The following NEGR1 variants were observed in gnomAD, a reference collection of about 807,000 sequenced individuals.
NEGR1 encodes the protein neuronal growth regulator 1.
Under a neutral mutation model 40.9 loss-of-function variants are expected in NEGR1, and 10 were observed. The observed-to-expected ratio is 0.24, with a 90% CI of 0.15 to 0.42. The LOEUF (loss-of-function observed/expected upper bound fraction) is 0.42, where lower values mean the gene tolerates loss of function less well. NEGR1 is among the 10% of genes least tolerant of loss of function. The pLI is 1.00. For synonymous variants in NEGR1, 185 were observed against 166.8 expected (o/e 1.11, Z -0.84); for missense variants, 352 against 438.9 (o/e 0.80, Z 1.77).
intron 2 of NEGR1, among the ~76,000 whole-genome samples, chr1:71,809,060 T>C (rs1657886176): frequency 6.6e-6 from 1 of 152,200 alleles, no homozygotes; most frequent in African/African-American, 2.4e-5. Flanking sequence ...CTATTGCTTA[T>C]TAAACATACA....
chr1:71,950,609 C>G (rs904522132), intron 1 of NEGR1, among the ~76,000 whole-genome samples: 3 of 151,960 alleles, frequency 2.0e-5, no homozygotes, highest in Admixed American at 1.3e-4. Flanking sequence ...TCAAAACCTA[C>G]TATATCCACT....
At chr1:71,733,364 G>C (rs1203826201) in intron 3 of NEGR1, among the ~76,000 whole-genome samples, 1 of 152,174 alleles carries the variant, frequency 6.6e-6, no homozygotes, top group African/African-American at 2.4e-5. Flanking sequence ...ATCTGAGTGA[G>C]AACATTCCTC....
chr1:71,957,835 T>C (rs1646131653), intron 1 of NEGR1, among the ~76,000 whole-genome samples: 1 of 152,240 alleles, frequency 6.6e-6, no homozygotes, highest in Non-Finnish European at 1.5e-5. Flanking sequence ...TGACATTTTA[T>C]AATCTGACCT....
chr1:71,470,254 A>AT (rs1553144177), intron 6 of NEGR1, among the ~76,000 whole-genome samples: 1 of 151,762 alleles, frequency 6.6e-6, no homozygotes, highest in Non-Finnish European at 1.5e-5. Context: ...GAAGTTATTT[A>AT]TTTTTTGCAT....
chr1:72,114,151 A>T (rs182883399), intron 1 of NEGR1, among the ~76,000 whole-genome samples: 2 of 151,612 alleles, frequency 1.3e-5, no homozygotes, highest in Non-Finnish European at 2.9e-5. Context: ...GTGATATTGG[A>T]TGTTTCTCTG....
chr1:71,991,095 T>C (rs939076484), intron 1 of NEGR1, among the ~76,000 whole-genome samples: 3 of 152,042 alleles, frequency 2.0e-5, no homozygotes, highest in East Asian at 1.9e-4. Flanking sequence ...ATTTTCTTTA[T>C]TCCCTGCTCA....
At chr1:71,845,931 T>TA (rs200280878) in intron 2 of NEGR1, among the ~76,000 whole-genome samples, 3,194 of 150,048 alleles carry the variant, frequency 0.021, 56 homozygotes, top group African/African-American at 0.031. Flanking sequence ...GGCTTTTTTT[T>TA]TTTTTTTTTT....
In NEGR1 at chr1:71,460,582, A is replaced by T. The variant is rs553105658; in HGVS notation, c.941-53012T>A. Among the ~76,000 whole-genome samples, 5 of 152,350 alleles carry T rather than the reference A, an allele frequency of 3.3e-5. No individual in the cohort carries two copies. The East Asian group carries it at 9.6e-4, about 29-fold the overall frequency. On this transcript the variant is annotated intron_variant, in intron 6 of 6. Transcript: ENST00000357731. The stretch of plus-strand genomic sequence containing the variant: ...GATTGTTTTGAATATTATATCAGAT[A>T]ATATGATACTTAGTGTATCTTGTGT...
chr1:72,250,902 G>A (rs1378127055), intron 1 of NEGR1, among the ~76,000 whole-genome samples: 2 of 152,132 alleles, frequency 1.3e-5, no homozygotes, highest in Non-Finnish European at 2.9e-5. Flanking sequence ...TCCCCATTAT[G>A]GAGATGGCAT....
At chr1:71,884,028 A>G (rs1284988101) in intron 2 of NEGR1, among the ~76,000 whole-genome samples, 1 of 151,990 alleles carries the variant, frequency 6.6e-6, no homozygotes, top group Non-Finnish European at 1.5e-5. Context: ...ACTCTTTTGT[A>G]TCCTTAACCA....
At chr1:71,559,019 G>GTGTGTA (rs377263417) in intron 6 of NEGR1, among the ~76,000 whole-genome samples, 31,228 of 113,150 alleles carry the variant, frequency 0.28, 4,080 homozygotes, top group Middle Eastern at 0.41. Context: ...CTGTGTGTGT[G>GTGTGTA]TATATATATA....
intron 1 of NEGR1, among the ~76,000 whole-genome samples, chr1:72,057,411 G>A (rs949237454): frequency 3.3e-5 from 5 of 151,530 alleles, no homozygotes; most frequent in African/African-American, 9.7e-5. Context: ...TGCTCCTATC[G>A]TCATAGTTGC....
At chr1:71,786,751 T>C (rs1308422045) in intron 2 of NEGR1, among the ~76,000 whole-genome samples, 1 of 152,164 alleles carries the variant, frequency 6.6e-6, no homozygotes, top group East Asian at 1.9e-4. Context: ...AAATAGGATC[T>C]CTCCCCTTCC....
intron 1 of NEGR1, among the ~76,000 whole-genome samples, chr1:72,080,610 AG>A (rs1203330888): frequency 6.6e-6 from 1 of 152,150 alleles, no homozygotes; most frequent in Non-Finnish European, 1.5e-5. Context: ...AAATGCAGAA[AG>A]GAAGTATGCT....
chr1:72,085,237 T>C (rs1205782151), intron 1 of NEGR1, among the ~76,000 whole-genome samples: 1 of 152,220 alleles, frequency 6.6e-6, no homozygotes, highest in African/African-American at 2.4e-5. Flanking sequence ...TATGCAGATA[T>C]ATAGATAAAT....
intron 3 of NEGR1, among the ~76,000 whole-genome samples, chr1:71,745,920 C>T (rs1655366096): frequency 1.3e-5 from 2 of 152,120 alleles, no homozygotes; most frequent in South Asian, 4.1e-4. Flanking sequence ...ATGTTCATTC[C>T]AAAGGGGTCC....
chr1:72,242,812 T>A (rs1654788924), intron 1 of NEGR1, among the ~76,000 whole-genome samples: 1 of 151,640 alleles, frequency 6.6e-6, no homozygotes, highest in Non-Finnish European at 1.5e-5. Context: ...AAGTCACTAA[T>A]TAATAAATGA....
chr1:72,238,179 A>G (rs1307459661), intron 1 of NEGR1, among the ~76,000 whole-genome samples: 1 of 151,816 alleles, frequency 6.6e-6, no homozygotes, highest in Non-Finnish European at 1.5e-5. Flanking sequence ...ATTTTCTTGT[A>G]TCTTCCTCTT....
chr1:71,914,848 G>A (rs1482333784), intron 2 of NEGR1, among the ~76,000 whole-genome samples: 2 of 151,958 alleles, frequency 1.3e-5, no homozygotes, highest in African/African-American at 4.8e-5. Context: ...CCTTTTCAGT[G>A]TTTCCATATA....
Sources: gnomAD v4.1 joint callset for allele counts (sites outside exome capture counted in the v4.1 genomes callset) on GRCh38, gnomAD v4.1.1 for gene constraint, MANE v1.5 for transcripts, NCBI Gene and HGNC (gene_info 2026-07-23, HGNC 2026-07-21) for gene names.